The following ANKHD1 variants were observed in gnomAD, a reference collection of about 807,000 sequenced individuals.
ANKHD1 encodes ankyrin repeat and KH domain-containing protein 1.
A neutral mutation model predicts 230.5 loss-of-function variants in ANKHD1; 31 were observed. The observed-to-expected ratio is 0.13, with a 90% CI of 0.10 to 0.18. The LOEUF (loss-of-function observed/expected upper bound fraction) is 0.18, where lower values mean the gene tolerates loss of function less well. Among genes scored for constraint, ANKHD1 ranks in the 10% least tolerant of loss-of-function variants. The probability of loss-of-function intolerance (pLI) is 1.00; values close to 1 mark genes in which losing one functional copy is unlikely to be tolerated. For synonymous variants in ANKHD1, 1,074 were observed against 1,117.6 expected (o/e 0.96, Z 0.78); for missense variants, 2,256 against 3,071.3 (o/e 0.73, Z 6.27).
At chr5:140,537,316 T>C (rs760295810) in intron 30 of ANKHD1, 73 bp from the exon 31 acceptor site, 35 of 1,545,714 alleles carry the variant, frequency 2.3e-5, no homozygotes, top group Non-Finnish European at 3.0e-5. Flanking sequence ...AATAAAACAA[T>C]AGAGAAATAT....
intron 1 of ANKHD1, among the ~76,000 whole-genome samples, chr5:140,427,471 G>T (rs1416978046): frequency 1.6e-5 from 2 of 128,372 alleles, no homozygotes; most frequent in East Asian, 5.0e-4. Flanking sequence ...GGGCAGAGGG[G>T]CTCCTCACTT....
chr5:140,501,100 T>C (rs1014244066), intron 15 of ANKHD1, among the ~76,000 whole-genome samples: 2 of 134,662 alleles, frequency 1.5e-5, no homozygotes, highest in Non-Finnish European at 3.1e-5. Context: ...TAGGTTTTTG[T>C]TTTTTTTTTT....
intron 10 of ANKHD1, among the ~76,000 whole-genome samples, chr5:140,476,439 G>T (rs1750972424): frequency 6.6e-6 from 1 of 151,938 alleles, no homozygotes. Context: ...AATGAAAAAT[G>T]TCTTAAAAGC....
At chr5:140,429,090 ATTTT>A (rs373838876) in intron 1 of ANKHD1, among the ~76,000 whole-genome samples, 3 of 109,556 alleles carry the variant, frequency 2.7e-5, no homozygotes, top group Admixed American at 9.5e-5. Context: ...CCGGCCTAGA[ATTTT>A]TTTTTTTTTT....
intron 1 of ANKHD1, among the ~76,000 whole-genome samples, chr5:140,411,040 T>C (rs760932734): frequency 6.6e-6 from 1 of 152,240 alleles, no homozygotes. Context: ...GGTTACCAAA[T>C]GCTGTTTTTT....
rs748346235 is a variant in ANKHD1, at chr5:140,505,848, A to G, written c.3387A>G (p.Ala1129=). The G allele has an allele frequency of 4.4e-6, 7 of 1,598,662 alleles. No homozygotes were observed. Among genetic ancestry groups the G allele is most frequent in the Non-Finnish European group, 6.0e-6 (7 of 1,175,372 alleles). The change falls in exon 18 of 34, where the codon GCA becomes GCG. Residue 1129 remains alanine, a synonymous_variant. Coordinates refer to ENST00000360839, the MANE Select transcript of ANKHD1 (RefSeq NM_017747.3). ...CTAAGGATACTCCGCTTTCATTGGC[A>G]TGTTCTGGTGGACGTCAGGAGGTGT... is the stretch of plus-strand genomic sequence containing the variant. The part of the protein sequence containing the change: ...ERTKDTPLSL[A]CSGGRQEVVD...
chr5:140,428,926 G>A (rs549243376), intron 1 of ANKHD1, among the ~76,000 whole-genome samples: 15 of 151,816 alleles, frequency 9.9e-5, no homozygotes, highest in Middle Eastern at 3.4e-3. Context: ...GTGACTACAG[G>A]CATGCACCAT....
At chr5:140,537,707 TC>T in intron 31 of ANKHD1, 118 bp downstream of exon 31, 4 of 1,384,360 alleles carry the variant, frequency 2.9e-6, no homozygotes, top group Non-Finnish European at 3.8e-6. Context: ...TGTTTAACAC[TC>T]AATTAGGGAA....
In ANKHD1 at chr5:140,431,669, C is replaced by T. The variant is rs576920789; in HGVS notation, c.307-4435C>T. On this transcript the variant is annotated intron_variant, in intron 1 of 33. Transcript: ENST00000360839. ...CACACAATGCCTGATAGAACTGGTA[C>T]TTGAACCTTATTCTCTTGATCTCCA... Among the ~76,000 whole-genome samples, 14 of 152,292 alleles carry T rather than the reference C, an allele frequency of 9.2e-5. No homozygotes were observed. In the East Asian group the frequency reaches 2.5e-3, roughly 27 times the overall value.
At position 140,529,459 on chromosome 5, in the gene ANKHD1, A is replaced by G; in HGVS notation, c.6513A>G (p.Gln2171=). The change falls in exon 29 of 34, where the codon CAA becomes CAG. Residue 2171 remains glutamine (Q), a synonymous_variant. Transcript: ENST00000360839. The part of the protein sequence containing the change: ...VTNPVTLTPP[Q]GPPAAVQLSS... ...ATCCAGTTACTTTAACACCACCTCA[A>G]GGCCCACCAGCTGCAGTGCAGCTTT... 5 of 1,614,164 alleles carry G rather than the reference A, an allele frequency of 3.1e-6. No homozygotes were observed. Among genetic ancestry groups the G allele is most frequent in the Non-Finnish European group, 4.2e-6 (5 of 1,180,014 alleles).
chr5:140,500,188 T>C (rs1320138574), intron 15 of ANKHD1, among the ~76,000 whole-genome samples: 2 of 152,178 alleles, frequency 1.3e-5, no homozygotes, highest in Non-Finnish European at 2.9e-5. Flanking sequence ...AATTCTAATA[T>C]AGAAAGAAGA....
chr5:140,518,429 C>T (rs552773419), intron 24 of ANKHD1, among the ~76,000 whole-genome samples: 1 of 151,962 alleles, frequency 6.6e-6, no homozygotes, highest in South Asian at 2.1e-4. Flanking sequence ...TCCTCCCTAA[C>T]TCATTTTATG....
intron 1 of ANKHD1, among the ~76,000 whole-genome samples, chr5:140,414,076 C>T (rs1271738671): frequency 6.6e-6 from 1 of 152,000 alleles, no homozygotes; most frequent in Non-Finnish European, 1.5e-5. Context: ...CCACTGTGCC[C>T]GGTCTATCTG....
At chr5:140,450,409 T>G (rs916229728) in intron 7 of ANKHD1, among the ~76,000 whole-genome samples, 2 of 151,878 alleles carry the variant, frequency 1.3e-5, no homozygotes, top group African/African-American at 4.8e-5. Flanking sequence ...TTCTCGTGCA[T>G]CAGCCTCCCA....
intron 29 of ANKHD1, among the ~76,000 whole-genome samples, chr5:140,533,338 C>A (rs1753921189): frequency 6.6e-6 from 1 of 152,118 alleles, no homozygotes; most frequent in Non-Finnish European, 1.5e-5. Context: ...GTGGCTCACG[C>A]CTGTAATCCC....
At chr5:140,427,144 G>A (rs1378871118) in intron 1 of ANKHD1, among the ~76,000 whole-genome samples, 5 of 150,506 alleles carry the variant, frequency 3.3e-5, no homozygotes, top group African/African-American at 1.2e-4. Context: ...CCGGGCAGGG[G>A]GCTGACCCCC....
At chr5:140,503,195 G>A (rs568772298) in intron 15 of ANKHD1, among the ~76,000 whole-genome samples, 1 of 151,814 alleles carries the variant, frequency 6.6e-6, no homozygotes, top group Non-Finnish European at 1.5e-5. Context: ...TTTTAATCTG[G>A]GTGCAAATGT....
At chr5:140,523,565 CT>C (rs58102859) in intron 24 of ANKHD1, among the ~76,000 whole-genome samples, 195 of 138,166 alleles carry the variant, frequency 1.4e-3, no homozygotes, top group Middle Eastern at 3.7e-3. Flanking sequence ...TGACTGTTTA[CT>C]TTTTTTTTTT....
chr5:140,529,835 C>G (rs1300393871), intron 29 of ANKHD1, 39 bp downstream of exon 29: 2 of 1,599,956 alleles, frequency 1.3e-6, no homozygotes, highest in Non-Finnish European at 1.7e-6. Flanking sequence ...GTTTGGAGCT[C>G]CTATGGCCTA....
Sources: gnomAD v4.1 joint callset for allele counts (sites outside exome capture counted in the v4.1 genomes callset) on GRCh38, gnomAD v4.1.1 for gene constraint, MANE v1.5 for transcripts, NCBI Gene and HGNC (gene_info 2026-07-23, HGNC 2026-07-21) for gene names.